Variants in DAB2IP observed in about 807,000 individuals in gnomAD.
DAB2IP encodes the protein DAB2 interacting protein.
A neutral mutation model predicts 107.2 loss-of-function variants in DAB2IP; 28 were observed. The ratio of observed to expected loss-of-function variants is 0.26; its 90% CI spans 0.19 to 0.36. DAB2IP has a LOEUF of 0.36. Among genes scored for constraint, DAB2IP ranks in the 10% least tolerant of loss-of-function variants. DAB2IP has a pLI of 1.00. For missense variants in DAB2IP, 1,400 were observed against 1,644.7 expected, an observed-to-expected ratio of 0.85 and a Z score of 2.57; for synonymous variants, 755 against 706.4, an observed-to-expected ratio of 1.07 and a Z score of -1.09.
rs111579566 is a variant in DAB2IP, at chr9:121,586,785, A to G, written c.40+19557A>G. ...TAGTGAGCCATGATTGTACCACTGCACTCCAGCCTGGGTGACAAAGTAAAA... is the reference window on the plus strand; with the variant it reads ...TAGTGAGCCATGATTGTACCACTGCGCTCCAGCCTGGGTGACAAAGTAAAA... On this transcript the variant is annotated intron_variant, in intron 1 of 16. Transcript: ENST00000259371. 4.1e-3 allele frequency among the ~76,000 whole-genome samples: 616 copies of G among 151,146 alleles called. 6 individuals carry two copies. The highest frequency in any genetic ancestry group is 0.014 in the African/African-American group (578 of 41,100).
intron 3 of DAB2IP, among the ~76,000 whole-genome samples, chr9:121,735,640 G>A (rs1249406408): frequency 3.3e-5 from 5 of 152,134 alleles, no homozygotes; most frequent in East Asian, 1.9e-4. Flanking sequence ...GTGCAGCCTC[G>A]GGTTCCTGGC....
At chr9:121,567,993 C>T (rs558585957) in intron 1 of DAB2IP, among the ~76,000 whole-genome samples, 2 of 151,702 alleles carry the variant, frequency 1.3e-5, no homozygotes, top group South Asian at 2.1e-4. Context: ...GCCGAGGCAC[C>T]GAGGCTGGGC....
chr9:121,596,015 CT>C (rs1347322395), intron 1 of DAB2IP, among the ~76,000 whole-genome samples: 1 of 151,942 alleles, frequency 6.6e-6, no homozygotes. Flanking sequence ...AGAGAGACCC[CT>C]CTCTCTACAA....
At chr9:121,745,573 G>A (rs1043308892) in intron 3 of DAB2IP, among the ~76,000 whole-genome samples, 2 of 139,260 alleles carry the variant, frequency 1.4e-5, no homozygotes, top group African/African-American at 5.2e-5. Context: ...TGCTCCTGCA[G>A]ACATAGTGGA....
rs1405896466 is a variant in DAB2IP, at chr9:121,599,036, C to T, written c.40+31808C>T. Among the ~76,000 whole-genome samples the T allele has an allele frequency of 6.6e-6, 1 of 152,172 alleles. No individual in the cohort carries two copies. The highest frequency in any genetic ancestry group is 1.5e-5 in the Non-Finnish European group (1 of 68,036). On this transcript the variant is annotated intron_variant, in intron 1 of 16. Coordinates refer to the DAB2IP transcript ENST00000259371. The surrounding 1 kb of genome is among the most constrained non-coding windows in gnomAD (Gnocchi z 6.9). ...CTGTGACACCCCGCACTGTCCCCTT[C>T]CCAAGCTCTAGTTCCCCCCATTAGT...
chr9:121,764,818 G>A lies in DAB2IP; in HGVS notation c.1460+939G>A, dbSNP rs1029594324. 3.3e-5 allele frequency among the ~76,000 whole-genome samples: 5 copies of A among 152,240 alleles called. No homozygotes were observed. In the East Asian group the frequency reaches 5.8e-4, roughly 18 times the overall value. On this transcript the variant is annotated intron_variant, in intron 8 of 15. Transcript: ENST00000408936. The stretch of plus-strand genomic sequence containing the variant: ...CATACACTCCTGCCCTTCCTGCTCC[G>A]AGGCCACACCTGGTACCCTCTGTCG...
chr9:121,737,008 G>T (rs955724706), intron 3 of DAB2IP, among the ~76,000 whole-genome samples: 1 of 152,186 alleles, frequency 6.6e-6, no homozygotes, highest in Non-Finnish European at 1.5e-5. Context: ...TTCCTGGGAC[G>T]GGACTTTGGG....
At position 121,599,417 on chromosome 9, in the gene DAB2IP, C is replaced by A. The variant is rs890982950; in HGVS notation, c.40+32189C>A. ...GAGGTCGATTGACCAAACAGGTGCG[C>A]CCCCGCCCCTCTGCTCCCCGCCCGC... On this transcript the variant is annotated intron_variant, in intron 1 of 16. Transcript: ENST00000259371. The surrounding 1 kb of genome is among the most constrained non-coding windows in gnomAD (Gnocchi z 6.9). 5.3e-5 allele frequency among the ~76,000 whole-genome samples: 8 copies of A among 152,084 alleles called. No individual in the cohort carries two copies. The highest frequency in any genetic ancestry group is 1.9e-4 in the African/African-American group (8 of 41,454).
rs1193483560 is a variant in DAB2IP at position 121,701,997 on chromosome 9, G to A, written c.362+2539G>A. Among the ~76,000 whole-genome samples, 6 of 152,224 alleles carry A rather than the reference G, an allele frequency of 3.9e-5. No individual in the cohort carries two copies. The highest frequency in any genetic ancestry group is 1.5e-5 in the Non-Finnish European group (1 of 68,046). ...TAGCCTCAGTGAGTGGGTGGGACAC[G>A]AGTGGGAAGGACGGTGGGGGCTTCT... On this transcript the variant is annotated intron_variant, in intron 3 of 15. Transcript: ENST00000408936. This position sits in a 1 kb window ranked among gnomAD's most constrained non-coding sequence, Gnocchi z 4.7.
chr9:121,781,497 C>T lies in DAB2IP; in HGVS notation c.3348C>T (p.Asp1116=), dbSNP rs775200895. The T allele has an allele frequency of 1.9e-6, 3 of 1,614,054 alleles. No homozygotes were observed. In the South Asian group the frequency reaches 3.3e-5, roughly 18 times the overall value. Reference sequence around the variant, plus strand: ...CCGTGGAGGAAGAACTGAAGAAGGACCACGCAGAGATGCAAGCGGCTGTGG... The same window carrying T: ...CCGTGGAGGAAGAACTGAAGAAGGATCACGCAGAGATGCAAGCGGCTGTGG... The change falls in exon 15 of 16, where the codon GAC becomes GAT. Residue 1116 remains aspartate (D), a synonymous_variant. Transcript: ENST00000408936.
At position 121,710,145 on chromosome 9, in the gene DAB2IP, C is replaced by T. The variant is rs1396187409; in HGVS notation, c.362+10687C>T. Reference sequence around the variant, plus strand: ...AACCACCCCACAGTACTGCCCTCTCCCTATCTTACAGGTGAGGAATTTGAG... The same window carrying T: ...AACCACCCCACAGTACTGCCCTCTCTCTATCTTACAGGTGAGGAATTTGAG... On this transcript the variant is annotated intron_variant, in intron 3 of 15. Transcript: ENST00000408936. Among the ~76,000 whole-genome samples, 4 of 152,324 alleles carry T rather than the reference C, an allele frequency of 2.6e-5. No individual in the cohort carries two copies. In the East Asian group the frequency reaches 5.8e-4, roughly 22 times the overall value.
In DAB2IP at chr9:121,758,788, A is replaced by T. The variant is rs540555750; in HGVS notation, c.517-110A>T. 69 of 907,530 alleles carry T rather than the reference A, an allele frequency of 7.6e-5. 1 individual carries two copies. The South Asian group carries it at 9.8e-4, about 13-fold the overall frequency. The allele number at this position is 907,530 out of a possible 1,614,324, so 56.2% of individuals were successfully genotyped here. A position where few individuals can be genotyped will look rare whatever the true frequency, so the allele number is the denominator to read the frequency against. ...GTCCTGGCTCCTTCCTGAAGCTGTG[A>T]TGCAGACCTGATGGCCAGAGTCCCC... On this transcript the variant is annotated intron_variant, in intron 4 of 15. Transcript: ENST00000408936.
chr9:121,677,486 C>T (rs1564150637), intron 1 of DAB2IP, among the ~76,000 whole-genome samples: 1 of 152,106 alleles, frequency 6.6e-6, no homozygotes, highest in Admixed American at 6.6e-5. Context: ...CATCACTGCA[C>T]TCCAGCCTGA....
rs1829530184 is a variant in DAB2IP at position 121,698,318 on chromosome 9, C to T, written c.229-1007C>T. On this transcript the variant is annotated intron_variant, in intron 2 of 15. Coordinates refer to ENST00000408936, the Ensembl canonical transcript of DAB2IP. This position sits in a 1 kb window ranked among gnomAD's most constrained non-coding sequence, Gnocchi z 4.1. The stretch of plus-strand genomic sequence containing the variant: ...AAGCCCGGCAGGACACAGGCTGTGT[C>T]CCCTGGGGCCCCCACATCTATCCCG... Among the ~76,000 whole-genome samples the T allele has an allele frequency of 1.3e-5, 2 of 152,240 alleles. No homozygotes were observed. The highest frequency in any genetic ancestry group is 6.5e-5 in the Admixed American group (1 of 15,284).
chr9:121,631,635 G>A (rs1053786917), intron 1 of DAB2IP, among the ~76,000 whole-genome samples: 3 of 151,956 alleles, frequency 2.0e-5, no homozygotes, highest in Non-Finnish European at 4.4e-5. Context: ...GGCCCAAATG[G>A]TGAAACCCCG....
chr9:121,597,209 C>T (rs1830548999), intron 1 of DAB2IP, among the ~76,000 whole-genome samples: 1 of 152,058 alleles, frequency 6.6e-6, no homozygotes, highest in Non-Finnish European at 1.5e-5. Context: ...CTTTTGAGGT[C>T]TTCTTTAAGA....
intron 1 of DAB2IP, among the ~76,000 whole-genome samples, chr9:121,616,131 C>A (rs746859624): frequency 6.6e-6 from 1 of 152,162 alleles, no homozygotes; most frequent in Non-Finnish European, 1.5e-5. Flanking sequence ...TTCGACCCCA[C>A]CTTCCTCCCA....
Position 121,766,485 on chromosome 9 carries a change from C to G in DAB2IP, c.1461-9C>G. 6.2e-7 allele frequency: 1 copy of G among 1,602,804 alleles called. No individual in the cohort carries two copies. The highest frequency in any genetic ancestry group is 8.5e-7 in the Non-Finnish European group (1 of 1,179,550). On this transcript the variant is annotated splice_polypyrimidine_tract_variant and intron_variant, in intron 8 of 15. Transcript: ENST00000408936. ...ACAGCCAAGCCCACCTTTGTCTGTC[C>G]CTACACAGTGTCTTCCCACGGGAGT...
At position 121,773,062 on chromosome 9, in the gene DAB2IP, G is replaced by T. The variant is rs777641902; in HGVS notation, c.2534G>T (p.Gly845Val). 8.7e-6 allele frequency: 14 copies of T among 1,612,424 alleles called. No homozygotes were observed. The East Asian group carries it at 3.1e-4, about 36-fold the overall frequency. ...GCTGGCCTGCCGCTGTCACCCCGTGGCCTTGGCGACTCAGGCTCTGAGGGC... is the reference window on the plus strand; with the variant it reads ...GCTGGCCTGCCGCTGTCACCCCGTGTCCTTGGCGACTCAGGCTCTGAGGGC... Residue 845 changes from glycine to valine, a missense_variant, in exon 12 of 16, where the codon GGC (glycine) becomes GTC (valine). Coordinates refer to ENST00000408936, the Ensembl canonical transcript of DAB2IP.
Sources: allele counts gnomAD v4.1 joint callset (sites outside exome capture counted in the v4.1 genomes callset), GRCh38; gene constraint gnomAD v4.1.1; non-coding constraint Gnocchi (gnomAD v3.1); transcripts MANE v1.5; gene names NCBI Gene and HGNC (gene_info 2026-07-23, HGNC 2026-07-21).